FAM78A: variants seen among roughly 807,000 people sequenced by gnomAD.
FAM78A encodes the protein family with sequence similarity 78 member A.
A neutral mutation model predicts 22.6 loss-of-function variants in FAM78A; 12 were observed. That is an observed-to-expected ratio of 0.53 (90% CI 0.34 to 0.86). The LOEUF is 0.86. FAM78A is among the 40% of genes least tolerant of loss of function. The pLI, the probability that FAM78A is intolerant of heterozygous loss-of-function variation, is 0.02. For missense variants in FAM78A, 322 were observed against 396.1 expected (o/e 0.81, Z 1.59); for synonymous variants, 151 against 155.8 (o/e 0.97, Z 0.23).
chr9:131,272,217 C>T lies in FAM78A; in HGVS notation c.323+3640G>A, dbSNP rs539828246. Reference sequence around the variant, plus strand: ...AGAATGAAAGCCCTAACCTAGCTCTCGCTACCTAGCTGTCCCTTCCCCGGG... The same window carrying T: ...AGAATGAAAGCCCTAACCTAGCTCTTGCTACCTAGCTGTCCCTTCCCCGGG... On this transcript the variant is annotated intron_variant, in intron 1 of 1. Coordinates refer to ENST00000372271, the MANE Select transcript of FAM78A (RefSeq NM_033387.4). This position sits in a 1 kb window ranked among gnomAD's most constrained non-coding sequence, Gnocchi z 4.1. Among the ~76,000 whole-genome samples the T allele has an allele frequency of 3.9e-5, 6 of 152,216 alleles. No individual in the cohort carries two copies. Among genetic ancestry groups the T allele is most frequent in the Non-Finnish European group, 7.3e-5 (5 of 68,030 alleles).
Position 131,261,351 on chromosome 9 carries a change from C to G in FAM78A, c.324-1G>C. 1 of 1,576,774 alleles carries G rather than the reference C, an allele frequency of 6.3e-7. No individual in the cohort carries two copies. Among genetic ancestry groups the G allele is most frequent in the East Asian group, 2.2e-5 (1 of 44,718 alleles). ...GAGGTCGGGGAGCTCCCAGCTGGAC[C>G]TGAGGACAAGGAAGGCCAGTTCACT... On this transcript the variant is annotated splice_acceptor_variant, in intron 1 of 1. Transcript: ENST00000372271. LOFTEE classifies it high-confidence loss of function. This position sits in a 1 kb window ranked among gnomAD's most constrained non-coding sequence, Gnocchi z 7.1.
rs1835453471 is a variant in FAM78A, at chr9:131,274,205, C to T, written c.323+1652G>A. Among the ~76,000 whole-genome samples the T allele has an allele frequency of 6.6e-6, 1 of 152,262 alleles. No homozygotes were observed. The highest frequency in any genetic ancestry group is 1.5e-5 in the Non-Finnish European group (1 of 68,046). On this transcript the variant is annotated intron_variant, in intron 1 of 1. Transcript: ENST00000372271. This position sits in a 1 kb window ranked among gnomAD's most constrained non-coding sequence, Gnocchi z 4.2. ...GCCTCCCCACCACACGTTGCACCAA[C>T]CACATTAGCATCCAGTCCCGTGAGT...
At chr9:131,278,352 C>T (rs1275684247), upstream of FAM78A, among the ~76,000 whole-genome samples, 2 of 152,152 alleles carry the variant, frequency 1.3e-5, no homozygotes, top group Non-Finnish European at 2.9e-5. Context: ...AGAAGGGCTC[C>T]CTTGCCCTGG....
chr9:131,267,894 T>TA (rs1040746651), intron 1 of FAM78A, among the ~76,000 whole-genome samples: 3 of 151,656 alleles, frequency 2.0e-5, no homozygotes, highest in African/African-American at 4.8e-5. Context: ...AAATATATTT[T>TA]AAAAAAAATT....
rs1835437837 is a variant in FAM78A, at chr9:131,272,911, G to A, written c.323+2946C>T. ...GGCACCATTGCACTCCAGCCTGGGCGACAAGAATAAGACTCTGTCTCAAAA... is the reference window on the plus strand; with the variant it reads ...GGCACCATTGCACTCCAGCCTGGGCAACAAGAATAAGACTCTGTCTCAAAA... On this transcript the variant is annotated intron_variant, in intron 1 of 1. Coordinates refer to ENST00000372271, the MANE Select transcript of FAM78A (RefSeq NM_033387.4). This position sits in a 1 kb window ranked among gnomAD's most constrained non-coding sequence, Gnocchi z 4.1. Among the ~76,000 whole-genome samples, 2 of 151,944 alleles carry A rather than the reference G, an allele frequency of 1.3e-5. No homozygotes were observed. The highest frequency in any genetic ancestry group is 2.4e-5 in the African/African-American group (1 of 41,338).
intron 1 of FAM78A, among the ~76,000 whole-genome samples, chr9:131,267,235 G>A (rs1487587046): frequency 6.6e-6 from 1 of 152,202 alleles, no homozygotes; most frequent in Non-Finnish European, 1.5e-5. Flanking sequence ...GTTGAGATGA[G>A]CCACCGTGCC....
intron 1 of FAM78A, chr9:131,263,927 G>A (rs750536524): frequency 1.3e-5 from 2 of 152,310 alleles, no homozygotes; most frequent in African/African-American, 2.4e-5. Flanking sequence ...CTAAGATCTA[G>A]GGGGGCCCCA....
In FAM78A at chr9:131,261,056, C is replaced by G. The variant is rs1835259622; in HGVS notation, c.618G>C (p.Leu206=). The G allele has an allele frequency of 1.4e-5, 23 of 1,614,150 alleles. No homozygotes were observed. In the East Asian group the frequency reaches 5.1e-4, roughly 36 times the overall value. Residue 206 remains leucine (L), a synonymous_variant, in exon 2 of 2, where the codon CTG becomes CTC. Transcript: ENST00000372271. This position sits in a 1 kb window ranked among gnomAD's most constrained non-coding sequence, Gnocchi z 7.1. ...GCTGCATGCGCCAGTGCAGCGTCTG[C>G]AGGATGATCATGTCGTTGGTGGAGG... ...TNTSTNDMII[L]QTLHWRMQLS... is the part of the protein sequence containing the mutation.
chr9:131,276,200 G>A lies in FAM78A; in HGVS notation c.-21C>T, dbSNP rs768937808. 3 of 1,594,532 alleles carry A rather than the reference G, an allele frequency of 1.9e-6. No homozygotes were observed. The highest frequency in any genetic ancestry group is 2.6e-6 in the Non-Finnish European group (3 of 1,168,372). ...GGCATTGAAAGGACAGAGGCTGCAG[G>A]ACCCAGTACAGACGGCGCTGCTCTC... On this transcript the variant is annotated 5_prime_UTR_variant, in exon 1 of 2. Transcript: ENST00000372271. This position sits in a 1 kb window ranked among gnomAD's most constrained non-coding sequence, Gnocchi z 4.3.
intron 1 of FAM78A, among the ~76,000 whole-genome samples, chr9:131,268,233 T>C (rs1445887859): frequency 6.6e-6 from 1 of 152,150 alleles, no homozygotes; most frequent in African/African-American, 2.4e-5. Flanking sequence ...AAGTACTCAT[T>C]CTGTAAAAGC....
intron 1 of FAM78A, chr9:131,270,251 C>T (rs764363387): frequency 2.1e-5 from 15 of 716,982 alleles, no homozygotes; most frequent in Non-Finnish European, 3.6e-5. Context: ...CACATGTGGA[C>T]GGTAACAGGC....
At chr9:131,264,184 A>C (rs1055309381) in intron 1 of FAM78A, 1 of 186,742 alleles carries the variant, frequency 5.4e-6, no homozygotes, top group Non-Finnish European at 1.1e-5. Context: ...TTCGTTTGCA[A>C]AGAGCTGAAG....
chr9:131,260,442 T>TTAAAAAA lies in FAM78A; in HGVS notation c.*379_*380insTTTTTTA. On this transcript the variant is annotated 3_prime_UTR_variant, in exon 2 of 2. Transcript: ENST00000372271. This position sits in a 1 kb window ranked among gnomAD's most constrained non-coding sequence, Gnocchi z 5.4. ...TGTCTCTTTGATCGGGGGCTGGAGCTTCCCTCCTAATCAGCTCCCCCTCCT... is the reference window on the plus strand; with the variant it reads ...TGTCTCTTTGATCGGGGGCTGGAGCTTAAAAAATCCCTCCTAATCAGCTCCCCCTCCT... 1 of 174,330 alleles carries TTAAAAAA rather than the reference T, an allele frequency of 5.7e-6. No homozygotes were observed. The highest frequency in any genetic ancestry group is 1.2e-5 in the Non-Finnish European group (1 of 83,262). 10.8% of individuals were successfully genotyped at this position (174,330 alleles called of 1,614,324 possible).
intron 1 of FAM78A, among the ~76,000 whole-genome samples, chr9:131,267,157 GACCCAGCTCTTACCCC>G (rs919618769): frequency 1.3e-5 from 2 of 152,264 alleles, no homozygotes; most frequent in African/African-American, 2.4e-5. Flanking sequence ...TCCCCAACCT[GACCCAGCTCTTACCCC>G]ACCAGCCTCT....
chr9:131,261,125 G>C lies in FAM78A; in HGVS notation c.549C>G (p.Ile183Met), dbSNP rs1835261009. Reference protein sequence around the residue: ...SESNVAKLTNIYRDQSFTTWL... With the variant: ...SESNVAKLTNMYRDQSFTTWL... Reference sequence around the variant, plus strand: ...AGGTGGTGAAGCTCTGGTCCCGGTAGATATTGGTGAGCTTGGCCACGTTGC... The same window carrying C: ...AGGTGGTGAAGCTCTGGTCCCGGTACATATTGGTGAGCTTGGCCACGTTGC... The change falls in exon 2 of 2, where the codon ATC becomes ATG. Residue 183 changes from isoleucine (I) to methionine (M), a missense_variant. By Grantham distance (10) the Ile-to-Met change is conservative. Transcript: ENST00000372271. This position sits in a 1 kb window ranked among gnomAD's most constrained non-coding sequence, Gnocchi z 7.1. The C allele has an allele frequency of 6.2e-7, 1 of 1,614,156 alleles. No homozygotes were observed.
chr9:131,274,224 C>T lies in FAM78A; in HGVS notation c.323+1633G>A, dbSNP rs1336628775. 6.6e-6 allele frequency among the ~76,000 whole-genome samples: 1 copy of T among 152,256 alleles called. No individual in the cohort carries two copies. Among genetic ancestry groups the T allele is most frequent in the Non-Finnish European group, 1.5e-5 (1 of 68,046 alleles). ...CACCAACCACATTAGCATCCAGTCC[C>T]GTGAGTGCTCATGTCTTTCCAAGTT... On this transcript the variant is annotated intron_variant, in intron 1 of 1. Coordinates refer to ENST00000372271, the MANE Select transcript of FAM78A (RefSeq NM_033387.4). The surrounding 1 kb of genome is among the most constrained non-coding windows in gnomAD (Gnocchi z 4.2).
chr9:131,266,593 G>C (rs942474905), intron 1 of FAM78A, among the ~76,000 whole-genome samples: 1 of 151,944 alleles, frequency 6.6e-6, no homozygotes, highest in Non-Finnish European at 1.5e-5. Flanking sequence ...CCCCAAAGAA[G>C]CCTGCCTGGA....
Position 131,260,791 on chromosome 9 carries a change from G to T in FAM78A, c.*31C>A. 6.6e-7 allele frequency: 1 copy of T among 1,508,286 alleles called. No homozygotes were observed. 93.4% of individuals were successfully genotyped at this position (1,508,286 alleles called of 1,614,324 possible). ...TTTGTTTTCAGCGGTATTATTATTT[G>T]TGAGTCTAACCTAGCGGGTGGTCCT... On this transcript the variant is annotated 3_prime_UTR_variant, in exon 2 of 2. Coordinates refer to ENST00000372271, the MANE Select transcript of FAM78A (RefSeq NM_033387.4). This position sits in a 1 kb window ranked among gnomAD's most constrained non-coding sequence, Gnocchi z 5.4.
In FAM78A at chr9:131,261,518, T is replaced by C. The variant is rs1352714009; in HGVS notation, c.324-168A>G. Among the ~76,000 whole-genome samples the C allele has an allele frequency of 6.6e-6, 1 of 151,734 alleles. No individual in the cohort carries two copies. The highest frequency in any genetic ancestry group is 1.5e-5 in the Non-Finnish European group (1 of 67,932). On this transcript the variant is annotated intron_variant, in intron 1 of 1. Coordinates refer to ENST00000372271, the MANE Select transcript of FAM78A (RefSeq NM_033387.4). This position sits in a 1 kb window ranked among gnomAD's most constrained non-coding sequence, Gnocchi z 7.1. ...CAGGGGGTCAGACAGTAGCTCGGAG[T>C]CACTGTCATCACTGCTGCTGTTACA...
Sources: gnomAD v4.1 joint callset for allele counts (sites outside exome capture counted in the v4.1 genomes callset) on GRCh38, gnomAD v4.1.1 for gene constraint, Gnocchi (gnomAD v3.1) non-coding constraint, MANE v1.5 for transcripts, NCBI Gene and HGNC (gene_info 2026-07-23, HGNC 2026-07-21) for gene names.